GANC: variants seen among roughly 807,000 people sequenced by gnomAD.
GANC encodes the protein neutral alpha-glucosidase C.
GANC carries 117 observed loss-of-function variants against 124.2 expected under a neutral mutation model. That is an observed-to-expected ratio of 0.94 (90% CI 0.81 to 1.10). GANC has a LOEUF of 1.10. Among genes scored for constraint, GANC ranks in the 50% least tolerant of loss-of-function variants. GANC has a pLI of 0.00. For synonymous variants in GANC, 377 were observed against 376.8 expected, an observed-to-expected ratio of 1.00 and a Z score of -0.01; for missense variants, 1,140 against 1,095.0, an observed-to-expected ratio of 1.04 and a Z score of -0.58.
chr15:42,316,509 T>C (rs1050216705), intron 10 of GANC, among the ~76,000 whole-genome samples: 5 of 152,172 alleles, frequency 3.3e-5, no homozygotes, highest in Non-Finnish European at 7.3e-5. Flanking sequence ...CATTTTCTTC[T>C]ATGCGTTTTC....
At chr15:42,278,768 C>T (rs556065576) in intron 3 of GANC, among the ~76,000 whole-genome samples, 178 bp downstream of exon 3, 1 of 152,070 alleles carries the variant, frequency 6.6e-6, no homozygotes, top group African/African-American at 2.4e-5. Flanking sequence ...CAGAAGTGGG[C>T]AGATTGCTCG....
chr15:42,308,280 C>A lies in GANC; in HGVS notation c.684C>A (p.Ile228=), dbSNP rs1354922611. ...ATGGATTTGAGCATCTTTATGGGAT[C>A]CCACAACATGCAGAATCACACCAAC... ...SLHGFEHLYG[I]PQHAESHQLK... The change falls in exon 8 of 24, where the codon ATC becomes ATA. Residue 228 remains isoleucine, a synonymous_variant. Coordinates refer to ENST00000318010, the MANE Select transcript of GANC (RefSeq NM_198141.3). 6.2e-7 allele frequency: 1 copy of A among 1,609,438 alleles called. No individual in the cohort carries two copies.
chr15:42,329,545 C>G (rs1471164073), intron 14 of GANC, 96 bp downstream of exon 14: 1 of 1,301,278 alleles, frequency 7.7e-7, no homozygotes, highest in East Asian at 2.4e-5. Flanking sequence ...CTCTACTGTT[C>G]ATTTCTCTTT....
chr15:42,276,826 A>G (rs1271474872), intron 2 of GANC, among the ~76,000 whole-genome samples: 2 of 151,900 alleles, frequency 1.3e-5, no homozygotes, highest in Admixed American at 6.6e-5. Context: ...AAATACATGT[A>G]TTTTTATATT....
chr15:42,306,608 T>G lies in GANC; in HGVS notation c.621T>G (p.Ala207=), dbSNP rs776355247. ...EKFGKFVDIK[A]NGPSSIGLDF... The stretch of plus-strand genomic sequence containing the variant: ...TTGGAAAATTTGTGGATATCAAAGC[T>G]AATGGTAAAATTGAAACTGGTATAG... Residue 207 remains alanine (A), a synonymous_variant, in exon 7 of 24, where the codon GCT becomes GCG. Transcript: ENST00000318010. 3 of 1,605,584 alleles carry G rather than the reference T, an allele frequency of 1.9e-6. No individual in the cohort carries two copies. The highest frequency in any genetic ancestry group is 2.6e-6 in the Non-Finnish European group (3 of 1,172,628).
At chr15:42,308,950 G>A (rs1361131471) in intron 8 of GANC, among the ~76,000 whole-genome samples, 2 of 152,264 alleles carry the variant, frequency 1.3e-5, no homozygotes, top group African/African-American at 4.8e-5. Flanking sequence ...AAGACCTTTT[G>A]TGGAGCCTTG....
At chr15:42,300,800 C>T (rs1278618304) in intron 6 of GANC, among the ~76,000 whole-genome samples, 1 of 152,070 alleles carries the variant, frequency 6.6e-6, no homozygotes, top group Non-Finnish European at 1.5e-5. Flanking sequence ...AGGTGGATCA[C>T]CTGAGGTTGG....
At chr15:42,291,708 A>G (rs116626055) in intron 4 of GANC, among the ~76,000 whole-genome samples, 2,539 of 152,302 alleles carry the variant, frequency 0.017, 74 homozygotes, top group African/African-American at 0.059. Context: ...AGACAAGGTG[A>G]ACATAATTCC....
At chr15:42,288,894 T>C (rs996327767) in intron 4 of GANC, among the ~76,000 whole-genome samples, 49 of 152,168 alleles carry the variant, frequency 3.2e-4, no homozygotes, top group Non-Finnish European at 3.8e-4. Context: ...TGCATACATA[T>C]AACCTCCTGG....
rs183837447 is a variant in GANC, at chr15:42,321,168, C to G, written c.1058-617C>G. 3.3e-5 allele frequency among the ~76,000 whole-genome samples: 5 copies of G among 152,234 alleles called. No homozygotes were observed. The East Asian group carries it at 7.7e-4, about 24-fold the overall frequency. ...TTTAAGTGAGTCCCAATGCTGCACC[C>G]TGACTTAATTTTTCTAAAATATAGG... On this transcript the variant is annotated intron_variant, in intron 10 of 23. Transcript: ENST00000318010.
In GANC at chr15:42,329,311, T is replaced by C. The variant is rs2052222577; in HGVS notation, c.1506T>C (p.Ser502=). ...SLFAFPVYQG[S]TDILFLWNDM... ...GACCAAGGTTTACTTCCTAGGGATC[T>C]ACGGACATCCTCTTCCTTTGGAATG... Residue 502 remains serine, a synonymous_variant, in exon 14 of 24, where the codon TCT becomes TCC. Coordinates refer to ENST00000318010, the MANE Select transcript of GANC (RefSeq NM_198141.3). 6.2e-7 allele frequency: 1 copy of C among 1,613,104 alleles called. No individual in the cohort carries two copies. Among genetic ancestry groups the C allele is most frequent in the African/African-American group, 1.3e-5 (1 of 74,912 alleles).
In GANC at chr15:42,281,076, A is replaced by C. The variant is rs1454980710; in HGVS notation, c.201+2486A>C. 3 of 702,498 alleles carry C rather than the reference A, an allele frequency of 4.3e-6. No homozygotes were observed. The African/African-American group carries it at 5.2e-5, about 12-fold the overall frequency. The allele number at this position is 702,498 out of a possible 1,614,324, so 43.5% of individuals were successfully genotyped here. A position where few individuals can be genotyped will look rare whatever the true frequency, so the allele number is the denominator to read the frequency against. On this transcript the variant is annotated intron_variant, in intron 3 of 23. Coordinates refer to ENST00000318010, the MANE Select transcript of GANC (RefSeq NM_198141.3). ...AGGACAAATTACCTGGGACATCAGC[A>C]ACGTAGCTCCCAAGACTGAGAACTT...
At position 42,310,276 on chromosome 15, in the gene GANC, G is replaced by A; in HGVS notation, c.723-7G>A. 1 of 1,571,530 alleles carries A rather than the reference G, an allele frequency of 6.4e-7. No homozygotes were observed. The highest frequency in any genetic ancestry group is 8.7e-7 in the Non-Finnish European group (1 of 1,155,110). On this transcript the variant is annotated splice_polypyrimidine_tract_variant and splice_region_variant and intron_variant, in intron 8 of 23. Coordinates refer to ENST00000318010, the MANE Select transcript of GANC (RefSeq NM_198141.3). ...GATGGTAATTGATGATAATCTTTGT[G>A]TTTCAGTGATGGAGATGCTTACCGT...
At chr15:42,290,012 C>G (rs1010497178) in intron 4 of GANC, among the ~76,000 whole-genome samples, 4 of 152,180 alleles carry the variant, frequency 2.6e-5, no homozygotes, top group Non-Finnish European at 4.4e-5. Flanking sequence ...TTTCTGACAC[C>G]TTGATCTTTG....
In GANC at chr15:42,310,748, C is replaced by T. The variant is rs748993441; in HGVS notation, c.959C>T (p.Thr320Ile). The T allele has an allele frequency of 6.2e-7, 1 of 1,614,124 alleles. No individual in the cohort carries two copies. Among genetic ancestry groups the T allele is most frequent in the South Asian group, 1.1e-5 (1 of 91,090 alleles). Residue 320 changes from threonine to isoleucine, a missense_variant, in exon 10 of 24, where the codon ACT becomes ATT. Physicochemically the swap from Thr to Ile is moderately conservative, Grantham distance 89. Coordinates refer to ENST00000318010, the MANE Select transcript of GANC (RefSeq NM_198141.3). ...VAAKQKVRSR[T>I]HVHWMSESGI... ...GCTAAACAAAAGGTCAGATCTCGCA[C>T]TCATGTGCACTGGATGTCAGAGAGT...
intron 10 of GANC, among the ~76,000 whole-genome samples, chr15:42,318,379 G>T (rs1341735786): frequency 1.3e-5 from 2 of 152,064 alleles, no homozygotes; most frequent in Non-Finnish European, 2.9e-5. Flanking sequence ...CTGATAATTT[G>T]CCTGGCAAGA....
At chr15:42,313,521 C>G (rs967772154) in intron 10 of GANC, among the ~76,000 whole-genome samples, 6 of 152,152 alleles carry the variant, frequency 3.9e-5, no homozygotes, top group Non-Finnish European at 7.4e-5. Context: ...GAAGAACTGT[C>G]TACCACTGAG....
Position 42,353,512 on chromosome 15 carries a change from T to C in GANC, c.*1373T>C. Reference sequence around the variant, plus strand: ...GGATCATACCTTAATGTTTTCAGTATGTCTGCGTTCTCCTACTAGATTGTA... The same window carrying C: ...GGATCATACCTTAATGTTTTCAGTACGTCTGCGTTCTCCTACTAGATTGTA... On this transcript the variant is annotated 3_prime_UTR_variant, in exon 24 of 24. Transcript: ENST00000318010. 4.2e-6 allele frequency: 4 copies of C among 955,538 alleles called. No individual in the cohort carries two copies. The South Asian group carries it at 2.0e-4, about 47-fold the overall frequency. 59.2% of individuals were successfully genotyped at this position (955,538 alleles called of 1,614,324 possible).
At position 42,321,872 on chromosome 15, in the gene GANC, A is replaced by T. The variant is rs1046217044; in HGVS notation, c.1145A>T (p.Asp382Val). 2 of 1,614,118 alleles carry T rather than the reference A, an allele frequency of 1.2e-6. No individual in the cohort carries two copies. The highest frequency in any genetic ancestry group is 2.7e-5 in the African/African-American group (2 of 74,944). ...YEDEQDVKAVDAGFDEHDIPY... is the reference protein window; with the variant it reads ...YEDEQDVKAVVAGFDEHDIPY... ...GATGAGCAGGATGTAAAAGCAGTGG[A>T]TGCAGGGTTTGATGAGCATGACATT... is the stretch of plus-strand genomic sequence containing the variant. Residue 382 changes from aspartate (D) to valine (V), a missense_variant, in exon 11 of 24, where the codon GAT (aspartate) becomes GTT (valine). Transcript: ENST00000318010.
Sources: gnomAD v4.1 joint callset for allele counts (sites outside exome capture counted in the v4.1 genomes callset) on GRCh38, gnomAD v4.1.1 for gene constraint, MANE v1.5 for transcripts, NCBI Gene and HGNC (gene_info 2026-07-23, HGNC 2026-07-21) for gene names.